The following C6orf89 variants were observed in gnomAD, a reference collection of about 807,000 sequenced individuals.
C6orf89 encodes the protein bombesin receptor-activated protein C6orf89.
Under a neutral mutation model 40.7 loss-of-function variants are expected in C6orf89, and 29 were observed. That is an observed-to-expected ratio of 0.71 (90% confidence interval 0.53 to 0.97). The LOEUF (loss-of-function observed/expected upper bound fraction) is 0.97, where lower values mean the gene tolerates loss of function less well. Ranked by LOEUF, C6orf89 falls within the 50% of genes least tolerant of loss-of-function variation. The pLI, the probability that C6orf89 is intolerant of heterozygous loss-of-function variation, is 0.00. For missense variants in C6orf89, 392 were observed against 429.1 expected (o/e 0.91, Z 0.76); for synonymous variants, 165 against 152.2 (o/e 1.08, Z -0.62).
intron 1 of C6orf89, 128 bp downstream of exon 1, chr6:36,886,156 C>A: frequency 1.1e-6 from 1 of 882,882 alleles, no homozygotes; most frequent in Non-Finnish European, 1.5e-6. Context: ...AGCGCGGATC[C>A]CTTTTCTCAG....
At chr6:36,919,519 CT>C (rs1179101133) in intron 7 of C6orf89, 58 bp from the exon 8 acceptor site, 2 of 1,568,532 alleles carry the variant, frequency 1.3e-6, no homozygotes, top group Non-Finnish European at 1.7e-6. Context: ...ACTAAACCCC[CT>C]GGTTTTATTT....
upstream of C6orf89, chr6:36,885,820 G>A: frequency 2.5e-6 from 1 of 404,298 alleles, no homozygotes; most frequent in Non-Finnish European, 4.3e-6. Flanking sequence ...GATATCGCGA[G>A]AGGTCCCGCG....
At chr6:36,885,063 T>G (rs1774925564), upstream of C6orf89, among the ~76,000 whole-genome samples, 1 of 152,198 alleles carries the variant, frequency 6.6e-6, no homozygotes, top group African/African-American at 2.4e-5. Flanking sequence ...AACGGGGGAA[T>G]TGTTAAGGCA....
In C6orf89 at chr6:36,923,530, C is replaced by T. The variant is rs772798111; in HGVS notation, c.*89C>T. On this transcript the variant is annotated 3_prime_UTR_variant, in exon 9 of 9. Transcript: ENST00000480824. ...AAAACAAAAACGATGAAACTGCTTT[C>T]TGGGGGTTGGTTACTTAGTTACCTG... is the stretch of plus-strand genomic sequence containing the variant. 5 of 1,035,838 alleles carry T rather than the reference C, an allele frequency of 4.8e-6. No homozygotes were observed. In the Admixed American group the frequency reaches 7.8e-5, roughly 16 times the overall value. 64.2% of individuals were successfully genotyped at this position (1,035,838 alleles called of 1,614,324 possible). A position where few individuals can be genotyped will look rare whatever the true frequency, so the allele number is the denominator to read the frequency against.
At chr6:36,874,318 G>A (rs1024192319) in intron 1 of C6orf89, among the ~76,000 whole-genome samples, 3 of 152,158 alleles carry the variant, frequency 2.0e-5, no homozygotes, top group Non-Finnish European at 4.4e-5. Flanking sequence ...TACTTATCAC[G>A]TAATGTTTAC....
chr6:36,919,686 G>C lies in C6orf89; in HGVS notation c.934G>C (p.Glu312Gln). ...TTGTCAGTCTGTGGCCATGCCAATA[G>C]AGCCAGGGGATATCGGTATGTAGGG... ...RHCQSVAMPI[E>Q]PGDIGYVDTT... The change falls in exon 8 of 9, where the codon GAG becomes CAG. Residue 312 changes from glutamate (E) to glutamine (Q), a missense_variant. Coordinates refer to ENST00000480824, the MANE Select transcript of C6orf89 (RefSeq NM_001286635.2). 6.2e-7 allele frequency: 1 copy of C among 1,613,448 alleles called. No individual in the cohort carries two copies. The highest frequency in any genetic ancestry group is 8.5e-7 in the Non-Finnish European group (1 of 1,179,536).
chr6:36,908,011 C>T (rs1476107280), intron 4 of C6orf89, among the ~76,000 whole-genome samples: 1 of 152,156 alleles, frequency 6.6e-6, no homozygotes, highest in Admixed American at 6.5e-5. Context: ...TGGAGTCTGG[C>T]CACATCTCTT....
At chr6:36,892,672 C>T (rs940896308) in intron 1 of C6orf89, 3 of 152,214 alleles carry the variant, frequency 2.0e-5, no homozygotes, top group African/African-American at 7.2e-5. Flanking sequence ...CTGAGCTCCA[C>T]TCCTAACAGT....
rs570186438 is a variant in C6orf89, at chr6:36,923,187, A to G, written c.950-160A>G. On this transcript the variant is annotated intron_variant, in intron 8 of 8. Transcript: ENST00000480824. ...TCTCTTAAAAAATAAAAAAGGAAAGAAAAAGAAAAAAAAGGAAACTAAATT... is the reference window on the plus strand; with the variant it reads ...TCTCTTAAAAAATAAAAAAGGAAAGGAAAAGAAAAAAAAGGAAACTAAATT... Among the ~76,000 whole-genome samples the G allele has an allele frequency of 2.0e-4, 30 of 152,340 alleles. No homozygotes were observed. The South Asian group carries it at 5.6e-3, about 28-fold the overall frequency.
chr6:36,902,167 G>T, intron 3 of C6orf89, 54 bp from the exon 4 acceptor site: 5 of 1,439,980 alleles, frequency 3.5e-6, no homozygotes, highest in Admixed American at 3.7e-5. Flanking sequence ...TTTTTTTCTT[G>T]GTATTAAGGT....
chr6:36,901,338 T>A (rs962238642), intron 3 of C6orf89, among the ~76,000 whole-genome samples: 5,586 of 62,020 alleles, frequency 0.09, 645 homozygotes, highest in African/African-American at 0.25. Flanking sequence ...TTTTTTTTTT[T>A]TTTTTTTTTT....
chr6:36,890,595 G>A (rs144660478), intron 1 of C6orf89, among the ~76,000 whole-genome samples: 2 of 152,274 alleles, frequency 1.3e-5, no homozygotes, highest in South Asian at 2.1e-4. Flanking sequence ...GTGCCATGAT[G>A]TGATCTCTGC....
chr6:36,874,772 T>G, intron 1 of C6orf89: 1 of 1,614,132 alleles, frequency 6.2e-7, no homozygotes, highest in African/African-American at 1.3e-5. Flanking sequence ...ATTGCCGCCA[T>G]AGCGAAGCCG....
intron 1 of C6orf89, among the ~76,000 whole-genome samples, chr6:36,886,860 T>C (rs1775010638): frequency 1.3e-5 from 2 of 152,194 alleles, no homozygotes; most frequent in African/African-American, 4.8e-5. Flanking sequence ...TAACATGCCT[T>C]TAAAATAATA....
intron 1 of C6orf89, among the ~76,000 whole-genome samples, chr6:36,894,068 G>A (rs1407426909): frequency 2.0e-5 from 3 of 151,494 alleles, no homozygotes; most frequent in Middle Eastern, 3.4e-3. Context: ...AAGACTTGAG[G>A]AGGCTTACAA....
At chr6:36,885,763 C>T (rs1774950457), upstream of C6orf89, 1 of 373,198 alleles carries the variant, frequency 2.7e-6, no homozygotes, top group East Asian at 3.8e-5. Flanking sequence ...CGAAAAGAGC[C>T]AGAACGGAAG....
intron 2 of C6orf89, among the ~76,000 whole-genome samples, chr6:36,898,984 C>T (rs1374420154): frequency 6.6e-6 from 1 of 152,152 alleles, no homozygotes; most frequent in Non-Finnish European, 1.5e-5. Context: ...ATCAGTTCTT[C>T]CTCTTGTGTT....
chr6:36,897,438 C>T (rs75352277), intron 2 of C6orf89, among the ~76,000 whole-genome samples: 4,507 of 152,252 alleles, frequency 0.03, 100 homozygotes, highest in Middle Eastern at 0.048. Flanking sequence ...AAAAAATCAG[C>T]TTTTAAGTGT....
At chr6:36,900,825 A>T (rs985437020) in intron 3 of C6orf89, among the ~76,000 whole-genome samples, 4 of 151,676 alleles carry the variant, frequency 2.6e-5, no homozygotes, top group Non-Finnish European at 4.4e-5. Flanking sequence ...GGTGTGAGCC[A>T]CTGCAGCCAG....
Sources: gnomAD v4.1 joint callset for allele counts (sites outside exome capture counted in the v4.1 genomes callset) on GRCh38, gnomAD v4.1.1 for gene constraint, MANE v1.5 for transcripts, NCBI Gene and HGNC (gene_info 2026-07-23, HGNC 2026-07-21) for gene names.